Variants in CLRN1 observed in about 807,000 individuals in gnomAD.
The protein encoded by CLRN1 is clarin-1.
CLRN1 carries 15 observed loss-of-function variants against 18.7 expected under a neutral mutation model. The observed-to-expected ratio is 0.80, with a 90% CI of 0.54 to 1.23. The LOEUF (loss-of-function observed/expected upper bound fraction) is 1.23. Among genes scored for constraint, CLRN1 ranks in the 50% most tolerant of loss-of-function variants. CLRN1 has a pLI of 0.00. For synonymous variants in CLRN1, 104 were observed against 102.9 expected (o/e 1.01, Z -0.07); for missense variants, 311 against 277.5 (o/e 1.12, Z -0.86).
At chr3:150,939,144 C>G (rs1028549003) in intron 2 of CLRN1, among the ~76,000 whole-genome samples, 1 of 152,172 alleles carries the variant, frequency 6.6e-6, no homozygotes, top group Non-Finnish European at 1.5e-5. Flanking sequence ...ACTAGTTCTG[C>G]CTTTTCAGCT....
rs896632679 is a variant in CLRN1 at position 150,944,018 on chromosome 3, A to G, written c.254-2257T>C. 7 of 1,003,126 alleles carry G rather than the reference A, an allele frequency of 7.0e-6. No individual in the cohort carries two copies. In the Admixed American group the frequency reaches 8.1e-5, roughly 12 times the overall value. The allele number at this position is 1,003,126 out of a possible 1,614,324, so 62.1% of individuals were successfully genotyped here. A position where few individuals can be genotyped will look rare whatever the true frequency, so the allele number is the denominator to read the frequency against. On this transcript the variant is annotated intron_variant, in intron 1 of 2. Transcript: ENST00000327047. ...TGCATCAACAACAAGATAGTTTCAG[A>G]TAGTGATACATATGATGGAGAAATA... is the stretch of plus-strand genomic sequence containing the variant.
chr3:150,970,803 C>T (rs1715495447), intron 1 of CLRN1, among the ~76,000 whole-genome samples: 1 of 152,042 alleles, frequency 6.6e-6, no homozygotes, highest in South Asian at 2.1e-4. Context: ...AGGAGGGGCA[C>T]CCAATTAGAA....
intron 1 of CLRN1, among the ~76,000 whole-genome samples, chr3:150,972,204 T>C (rs1033473213): frequency 3.9e-5 from 6 of 152,188 alleles, no homozygotes; most frequent in African/African-American, 1.4e-4. Context: ...TACTTAAGCA[T>C]CTTAATTGCC....
At chr3:150,968,312 T>C (rs554082989) in intron 1 of CLRN1, among the ~76,000 whole-genome samples, 9 of 152,318 alleles carry the variant, frequency 5.9e-5, no homozygotes, top group African/African-American at 1.2e-4. Flanking sequence ...TTAAACATCA[T>C]CATTAAAATT....
chr3:150,941,904 T>C (rs1713868651), intron 1 of CLRN1, 143 bp from the exon 2 acceptor site: 2 of 768,932 alleles, frequency 2.6e-6, no homozygotes, highest in Non-Finnish European at 4.3e-6. Flanking sequence ...TACTAACTTA[T>C]AAGGGGTTTA....
intron 1 of CLRN1, among the ~76,000 whole-genome samples, chr3:150,971,139 T>A (rs1402369354): frequency 6.6e-6 from 1 of 152,182 alleles, no homozygotes; most frequent in African/African-American, 2.4e-5. Flanking sequence ...TCTCTCAACT[T>A]TTTTCCTTTT....
intron 1 of CLRN1, 142 bp from the exon 2 acceptor site, chr3:150,941,903 A>T: frequency 1.3e-6 from 1 of 775,280 alleles, no homozygotes. Flanking sequence ...TTACTAACTT[A>T]TAAGGGGTTT....
chr3:150,942,658 C>T lies in CLRN1; in HGVS notation c.254-897G>A, dbSNP rs1006815669. 4 of 433,176 alleles carry T rather than the reference C, an allele frequency of 9.2e-6. No individual in the cohort carries two copies. In the Admixed American group the frequency reaches 1.1e-4, roughly 12 times the overall value. The allele number at this position is 433,176 out of a possible 1,614,324, so 26.8% of individuals were successfully genotyped here. A position where few individuals can be genotyped will look rare whatever the true frequency, so the allele number is the denominator to read the frequency against. On this transcript the variant is annotated intron_variant, in intron 1 of 2. Coordinates refer to ENST00000327047, the MANE Select transcript of CLRN1 (RefSeq NM_174878.3). ...TTATAACCTAATGGGAGAAGACAGA[C>T]CATTAGAAAGCAAACAAACAAATAA...
chr3:150,970,684 A>T (rs1239663782), intron 1 of CLRN1, among the ~76,000 whole-genome samples: 1 of 152,186 alleles, frequency 6.6e-6, no homozygotes, highest in East Asian at 1.9e-4. Context: ...TTTCTTCACT[A>T]GGCTAGGGGG....
At chr3:150,950,270 A>G (rs1714412335) in intron 1 of CLRN1, among the ~76,000 whole-genome samples, 1 of 152,256 alleles carries the variant, frequency 6.6e-6, no homozygotes, top group Non-Finnish European at 1.5e-5. Context: ...TTCATGACAA[A>G]GACACCAAAA....
chr3:150,963,444 G>A (rs916840637), intron 1 of CLRN1, among the ~76,000 whole-genome samples: 18 of 152,172 alleles, frequency 1.2e-4, no homozygotes, highest in Non-Finnish European at 2.5e-4. Flanking sequence ...AACATTCCAT[G>A]CTCACGGATA....
At chr3:150,954,217 T>C (rs1321660857) in intron 1 of CLRN1, among the ~76,000 whole-genome samples, 1 of 152,182 alleles carries the variant, frequency 6.6e-6, no homozygotes. Context: ...TGCGGAGTGT[T>C]TTCCAAAGTG....
At chr3:150,955,969 T>A (rs1047400744) in intron 1 of CLRN1, among the ~76,000 whole-genome samples, 1 of 152,252 alleles carries the variant, frequency 6.6e-6, no homozygotes, top group Non-Finnish European at 1.5e-5. Context: ...ATTTCCTATA[T>A]TACTATTATC....
chr3:150,951,858 A>G (rs144717856), intron 1 of CLRN1, among the ~76,000 whole-genome samples: 9 of 152,248 alleles, frequency 5.9e-5, no homozygotes, highest in African/African-American at 1.7e-4. Flanking sequence ...CTCACTCACT[A>G]TACAGTACCA....
intron 1 of CLRN1, among the ~76,000 whole-genome samples, chr3:150,944,905 T>A (rs909446045): frequency 9.2e-5 from 14 of 152,156 alleles, no homozygotes; most frequent in Non-Finnish European, 1.5e-4. Flanking sequence ...GTCTTAGATA[T>A]TTTACGTTTG....
At chr3:150,952,643 A>G (rs1714552072) in intron 1 of CLRN1, among the ~76,000 whole-genome samples, 1 of 152,166 alleles carries the variant, frequency 6.6e-6, no homozygotes, top group South Asian at 2.1e-4. Flanking sequence ...TAAACAAACA[A>G]ACAAACAAAC....
At chr3:150,956,847 A>G (rs1714758858) in intron 1 of CLRN1, among the ~76,000 whole-genome samples, 1 of 151,970 alleles carries the variant, frequency 6.6e-6, no homozygotes, top group Admixed American at 6.6e-5. Context: ...AACTTCCCCT[A>G]TTCTTAAGGA....
chr3:150,958,100 C>T (rs9814253), intron 1 of CLRN1, among the ~76,000 whole-genome samples: 60,340 of 152,104 alleles, frequency 0.4, 13,180 homozygotes, highest in Non-Finnish European at 0.5. Flanking sequence ...ATTGGTGTAA[C>T]TGATGGACAT....
At chr3:150,948,804 A>G (rs1427039400) in intron 1 of CLRN1, among the ~76,000 whole-genome samples, 1 of 152,178 alleles carries the variant, frequency 6.6e-6, no homozygotes, top group Non-Finnish European at 1.5e-5. Flanking sequence ...TACCATTCCT[A>G]CAGAACCTAT....
Sources: gnomAD v4.1 joint callset for allele counts (sites outside exome capture counted in the v4.1 genomes callset) on GRCh38, gnomAD v4.1.1 for gene constraint, MANE v1.5 for transcripts, NCBI Gene and HGNC (gene_info 2026-07-23, HGNC 2026-07-21) for gene names.